Variants in TMEM63A observed in about 807,000 individuals in gnomAD.
TMEM63A encodes the protein transmembrane protein 63A, also known as mechanosensitive cation channel TMEM63A.
In TMEM63A, 76 loss-of-function variants were observed where a neutral mutation model predicts 100.6. That is an observed-to-expected ratio of 0.76 (90% CI 0.63 to 0.91). TMEM63A has a LOEUF of 0.91. Ranked by LOEUF, TMEM63A falls within the 40% of genes least tolerant of loss-of-function variation. The pLI is 0.00. For missense variants in TMEM63A, 876 were observed against 1,008.8 expected (o/e 0.87, Z 1.78); for synonymous variants, 401 against 401.1 (o/e 1.00, Z 0.00).
chr1:225,845,703 A>G lies in TMEM63A; in HGVS notation c.*1236T>C. On this transcript the variant is annotated 3_prime_UTR_variant, in exon 25 of 25. Coordinates refer to ENST00000366835, the MANE Select transcript of TMEM63A (RefSeq NM_014698.3). ...AGGCCACTGGCCAGGGCTATGCTGC[A>G]CCAGACCAATGGCACCGCCCCCACC... The G allele has an allele frequency of 2.6e-6, 1 of 386,680 alleles. No homozygotes were observed. Among genetic ancestry groups the G allele is most frequent in the Non-Finnish European group, 4.8e-6 (1 of 206,478 alleles). The allele number at this position is 386,680 out of a possible 1,614,324, so 24.0% of individuals were successfully genotyped here.
At chr1:225,841,531 G>A (rs537678505), downstream of TMEM63A, among the ~76,000 whole-genome samples, 145 of 148,132 alleles carry the variant, frequency 9.8e-4, 5 homozygotes, top group Non-Finnish European at 6.2e-4. Context: ...TGATCCACCC[G>A]CCTCGGCCTC....
chr1:225,866,372 T>G, intron 9 of TMEM63A: 1 of 568,576 alleles, frequency 1.8e-6, no homozygotes, highest in Non-Finnish European at 3.1e-6. Flanking sequence ...CCAGTAACTG[T>G]CCAAATCTTG....
In TMEM63A at chr1:225,845,695, T is replaced by G; in HGVS notation, c.*1244A>C. 2 of 401,388 alleles carry G rather than the reference T, an allele frequency of 5.0e-6. No homozygotes were observed. Among genetic ancestry groups the G allele is most frequent in the Non-Finnish European group, 9.4e-6 (2 of 213,740 alleles). The allele number at this position is 401,388 out of a possible 1,614,324, so 24.9% of individuals were successfully genotyped here. On this transcript the variant is annotated 3_prime_UTR_variant, in exon 25 of 25. Transcript: ENST00000366835. ...TGGGGATGAGGCCACTGGCCAGGGC[T>G]ATGCTGCACCAGACCAATGGCACCG...
downstream of TMEM63A, among the ~76,000 whole-genome samples, chr1:225,841,670 C>T (rs45540632): frequency 7.3e-3 from 1,058 of 144,416 alleles, 11 homozygotes; most frequent in Non-Finnish European, 7.4e-3. Flanking sequence ...GGTACGATCT[C>T]GGCTCACTGC....
chr1:225,875,450 T>G (rs2102645401), intron 3 of TMEM63A, among the ~76,000 whole-genome samples: 1 of 152,338 alleles, frequency 6.6e-6, no homozygotes, highest in East Asian at 1.9e-4. Context: ...CATCCCTGCC[T>G]GCTCTGATCA....
intron 4 of TMEM63A, among the ~76,000 whole-genome samples, chr1:225,873,723 G>A (rs149501413): frequency 2.3e-3 from 348 of 152,326 alleles, no homozygotes; most frequent in Non-Finnish European, 3.3e-3. Context: ...CAAACCCGGC[G>A]CTGACCTGGC....
rs1670529289 is a variant in TMEM63A at position 225,871,968 on chromosome 1, C to G, written c.333+19G>C. 1 of 1,603,182 alleles carries G rather than the reference C, an allele frequency of 6.2e-7. No individual in the cohort carries two copies. The highest frequency in any genetic ancestry group is 8.5e-7 in the Non-Finnish European group (1 of 1,170,922). On this transcript the variant is annotated intron_variant, in intron 5 of 24. Transcript: ENST00000366835. ...CCCCACCCCCTGGCCATGACCACAA[C>G]TGGGCCTTAGATACCAACCAGCTCA...
At chr1:225,863,792 C>G (rs1054835709) in intron 10 of TMEM63A, 5 of 151,772 alleles carry the variant, frequency 3.3e-5, no homozygotes, top group African/African-American at 9.7e-5. Context: ...TGGCACACAC[C>G]TGTAATCCAG....
chr1:225,862,192 A>AG lies in TMEM63A; in HGVS notation c.1085+25dup, dbSNP rs1559042535. 1 of 1,612,246 alleles carries AG rather than the reference A, an allele frequency of 6.2e-7. No individual in the cohort carries two copies. Among genetic ancestry groups the AG allele is most frequent in the South Asian group, 1.1e-5 (1 of 90,986 alleles). Reference sequence around the variant, plus strand: ...GAGGGGAACAGGGAGTCAGCCAAGAAGGGGTCTGGATGTGCCTACACTCAC... The same window carrying AG: ...GAGGGGAACAGGGAGTCAGCCAAGAAGGGGGTCTGGATGTGCCTACACTCAC... On this transcript the variant is annotated intron_variant, in intron 13 of 24. Transcript: ENST00000366835. The surrounding 1 kb of genome is among the most constrained non-coding windows in gnomAD (Gnocchi z 5.1).
chr1:225,862,908 G>T lies in TMEM63A; in HGVS notation c.747-57C>A. 2 of 1,523,070 alleles carry T rather than the reference G, an allele frequency of 1.3e-6. No individual in the cohort carries two copies. The highest frequency in any genetic ancestry group is 1.8e-6 in the Non-Finnish European group (2 of 1,109,666). The allele number at this position is 1,523,070 out of a possible 1,614,324, so 94.3% of individuals were successfully genotyped here. A position where few individuals can be genotyped will look rare whatever the true frequency, so the allele number is the denominator to read the frequency against. On this transcript the variant is annotated intron_variant, in intron 10 of 24. Transcript: ENST00000366835. The surrounding 1 kb of genome is among the most constrained non-coding windows in gnomAD (Gnocchi z 5.1). The stretch of plus-strand genomic sequence containing the variant: ...ACCGTTGGAAAAGAAAACACCCCAA[G>T]CAGGAGACGTGCCCACGGATCCAAG...
chr1:225,840,694 A>G (rs1209972923), downstream of TMEM63A, among the ~76,000 whole-genome samples: 3 of 152,204 alleles, frequency 2.0e-5, no homozygotes, highest in Admixed American at 6.5e-5. Flanking sequence ...GTTCTTTACA[A>G]TTCACAGAAC....
chr1:225,845,353 C>G (rs1308279614), downstream of TMEM63A: 1 of 1,589,842 alleles, frequency 6.3e-7, no homozygotes, highest in East Asian at 2.3e-5. Context: ...AATGACCCAC[C>G]CCTCTCCCCC....
chr1:225,874,083 C>T (rs987220246), intron 4 of TMEM63A, among the ~76,000 whole-genome samples: 1 of 152,186 alleles, frequency 6.6e-6, no homozygotes, highest in Non-Finnish European at 1.5e-5. Context: ...CAGGTAGATA[C>T]ACTTAATGAA....
chr1:225,874,755 G>GC (rs1670692498), intron 3 of TMEM63A, among the ~76,000 whole-genome samples: 1 of 152,216 alleles, frequency 6.6e-6, no homozygotes, highest in South Asian at 2.1e-4. Context: ...CCCCAGAGCA[G>GC]CCCCAGGAAC....
In TMEM63A at chr1:225,856,967, C is replaced by G; in HGVS notation, c.1428G>C (p.Ser476=). The G allele has an allele frequency of 6.2e-7, 1 of 1,601,138 alleles. No homozygotes were observed. Among genetic ancestry groups the G allele is most frequent in the Non-Finnish European group, 8.5e-7 (1 of 1,176,490 alleles). Residue 476 remains serine (S), a synonymous_variant, in exon 16 of 25, where the codon TCG becomes TCC. Transcript: ENST00000366835. ...FFPTLLLWSF[S]ALLPSIVYYS... The stretch of plus-strand genomic sequence containing the variant: ...AGTAGACAATGGAGGGGAGCAGGGC[C>G]GAGAAGGACCAGAGCAGGAGGGTGG...
Position 225,857,012 on chromosome 1 carries a change from C to T in TMEM63A, c.1383G>A (p.Pro461=), listed in dbSNP as rs369970031. 30 of 1,580,960 alleles carry T rather than the reference C, an allele frequency of 1.9e-5. No individual in the cohort carries two copies. The highest frequency in any genetic ancestry group is 4.0e-5 in the Admixed American group (2 of 49,864). Residue 461 remains proline (P), a synonymous_variant, in exon 16 of 25, where the codon CCG becomes CCA. Transcript: ENST00000366835. ...GGGTGGGGAAGAACTGGCTGATGAT[C>T]GGGTTCTAGGAGAAAGGTCCACAGC... ...VTKPIHALNN[P]IISQFFPTLL...
intron 4 of TMEM63A, 53 bp downstream of exon 4, chr1:225,874,235 C>G: frequency 6.5e-7 from 1 of 1,542,072 alleles, no homozygotes; most frequent in Non-Finnish European, 8.9e-7. Flanking sequence ...CGCACATATA[C>G]ACACTCACAC....
Position 225,846,415 on chromosome 1 carries a change from T to C in TMEM63A, c.*524A>G, listed in dbSNP as rs1402460063. On this transcript the variant is annotated 3_prime_UTR_variant, in exon 25 of 25. Transcript: ENST00000366835. ...ACAAAAACACAGAACTCTAGCGGGA[T>C]ACAGAGATGTGTGCACAGCTGGCAG... The C allele has an allele frequency of 1.3e-5, 2 of 152,504 alleles. No homozygotes were observed. Among genetic ancestry groups the C allele is most frequent in the East Asian group, 3.9e-4 (2 of 5,192 alleles). 9.4% of individuals were successfully genotyped at this position (152,504 alleles called of 1,614,324 possible). A position where few individuals can be genotyped will look rare whatever the true frequency, so the allele number is the denominator to read the frequency against.
chr1:225,846,491 G>T lies in TMEM63A; in HGVS notation c.*448C>A. 6.5e-6 allele frequency: 1 copy of T among 153,484 alleles called. No homozygotes were observed. Among genetic ancestry groups the T allele is most frequent in the Non-Finnish European group, 1.5e-5 (1 of 68,902 alleles). 9.5% of individuals were successfully genotyped at this position (153,484 alleles called of 1,614,324 possible). A position where few individuals can be genotyped will look rare whatever the true frequency, so the allele number is the denominator to read the frequency against. ...TCCCCATAGCTTACTCCTGGATGTA[G>T]CCTGGAGGGACTGCTGGGCTGGGGA... is the stretch of plus-strand genomic sequence containing the variant. On this transcript the variant is annotated 3_prime_UTR_variant, in exon 25 of 25. Transcript: ENST00000366835.
Sources: allele counts gnomAD v4.1 joint callset (sites outside exome capture counted in the v4.1 genomes callset), GRCh38; gene constraint gnomAD v4.1.1; non-coding constraint Gnocchi (gnomAD v3.1); transcripts MANE v1.5; gene names NCBI Gene and HGNC (gene_info 2026-07-23, HGNC 2026-07-21).